Variants in NEXMIF observed in about 807,000 individuals in gnomAD.
The protein encoded by NEXMIF is XLMR protein related to neurite extension.
NEXMIF carries 8 observed loss-of-function variants against 62.1 expected under a neutral mutation model. That is an observed-to-expected ratio of 0.13 (90% confidence interval 0.08 to 0.23). The LOEUF is 0.23. Ranked by LOEUF, NEXMIF falls within the 10% of genes least tolerant of loss-of-function variation. NEXMIF has a pLI of 1.00. For missense variants in NEXMIF, 976 were observed against 1,113.3 expected (o/e 0.88, Z 1.75); for synonymous variants, 404 against 416.6 (o/e 0.97, Z 0.37).
chrX:74,785,607 A>G (rs1404339938), intron 1 of NEXMIF, among the ~76,000 whole-genome samples: 1 of 112,311 alleles, frequency 8.9e-6, no homozygotes, highest in East Asian at 2.8e-4. Context: ...GGAAAATTAC[A>G]CTTTAAAGAA....
intron 1 of NEXMIF, chrX:74,769,947 A>T (rs775348552): frequency 8.7e-6 from 2 of 230,199 alleles, no homozygotes; most frequent in Non-Finnish European, 1.5e-5. Flanking sequence ...GGGGTTTCTC[A>T]TTGGCTATGA....
intron 1 of NEXMIF, among the ~76,000 whole-genome samples, chrX:74,817,521 G>A (rs1308265389): frequency 1.8e-5 from 2 of 112,109 alleles, no homozygotes; most frequent in East Asian, 5.6e-4. Flanking sequence ...AGTTGCATTC[G>A]ATGTTAAAGT....
chrX:74,869,862 A>G (rs1261406256), intron 1 of NEXMIF, among the ~76,000 whole-genome samples: 3 of 111,605 alleles, frequency 2.7e-5, no homozygotes, highest in Non-Finnish European at 5.7e-5. Context: ...ATGGATTGCA[A>G]GAATCAATAA....
chrX:74,785,553 G>A (rs1242325647), intron 1 of NEXMIF, among the ~76,000 whole-genome samples: 2 of 111,499 alleles, frequency 1.8e-5, no homozygotes, highest in Admixed American at 1.9e-4. Context: ...TCTATCTTAG[G>A]GTGTCAAGGG....
intron 1 of NEXMIF, among the ~76,000 whole-genome samples, chrX:74,807,853 C>T (rs1447040574): frequency 2.7e-5 from 3 of 111,694 alleles, no homozygotes; most frequent in African/African-American, 9.8e-5. Flanking sequence ...CGTTCTCAGT[C>T]TTAGAGGGAA....
Position 74,739,287 on chromosome X carries a change from A to G in NEXMIF, c.*118T>C. 2.1e-6 allele frequency: 1 copy of G among 468,109 alleles called. No individual in the cohort carries two copies. Among genetic ancestry groups the G allele is most frequent in the East Asian group, 3.9e-5 (1 of 25,469 alleles). The allele number at this position is 468,109 out of a possible 1,213,427, so 38.6% of individuals were successfully genotyped here. A position where few individuals can be genotyped will look rare whatever the true frequency, so the allele number is the denominator to read the frequency against. ...ACTTTTTAAGTCTTTTACATAGAAC[A>G]TGAGATTAAAGTTTGCTCCAAAGAC... On this transcript the variant is annotated 3_prime_UTR_variant, in exon 4 of 4. Transcript: ENST00000055682.
chrX:74,806,567 CTGCT>C (rs1413217425), intron 1 of NEXMIF, among the ~76,000 whole-genome samples: 2 of 111,472 alleles, frequency 1.8e-5, no homozygotes, highest in African/African-American at 3.3e-5. Flanking sequence ...TCTGTGCTGC[CTGCT>C]TATTTTGTTT....
intron 1 of NEXMIF, among the ~76,000 whole-genome samples, chrX:74,875,269 T>G (rs1348596154): frequency 9.0e-6 from 1 of 111,575 alleles, no homozygotes; most frequent in Non-Finnish European, 1.9e-5. Context: ...TTTTTGTCTT[T>G]GGTTCTGTTT....
chrX:74,756,439 G>A (rs2080159636), intron 1 of NEXMIF, among the ~76,000 whole-genome samples: 1 of 111,093 alleles, frequency 9.0e-6, no homozygotes, highest in South Asian at 3.9e-4. Context: ...CCAAACACAC[G>A]TGTTAATAAG....
At chrX:74,791,144 A>T (rs1190275167) in intron 1 of NEXMIF, among the ~76,000 whole-genome samples, 1 of 111,086 alleles carries the variant, frequency 9.0e-6, no homozygotes, top group Non-Finnish European at 1.9e-5. Context: ...ATTTTGAAAT[A>T]CGTCCCATCA....
intron 1 of NEXMIF, among the ~76,000 whole-genome samples, chrX:74,913,445 G>A (rs1442215084): frequency 9.0e-6 from 1 of 111,157 alleles, no homozygotes; most frequent in African/African-American, 3.3e-5. Context: ...TCTCTCATCA[G>A]AAGAAACCAT....
intron 1 of NEXMIF, among the ~76,000 whole-genome samples, chrX:74,847,810 G>A (rs751697432): frequency 3.9e-4 from 43 of 110,808 alleles, no homozygotes; most frequent in Non-Finnish European, 7.6e-4. Flanking sequence ...ATTAATGATA[G>A]TAATAATAAT....
At chrX:74,791,514 C>T (rs955876822) in intron 1 of NEXMIF, among the ~76,000 whole-genome samples, 1 of 111,403 alleles carries the variant, frequency 9.0e-6, no homozygotes, top group Non-Finnish European at 1.9e-5. Flanking sequence ...GGAGGATTCC[C>T]TCTTTTTCTA....
At chrX:74,840,038 A>G (rs1042563014) in intron 1 of NEXMIF, among the ~76,000 whole-genome samples, 57 of 111,928 alleles carry the variant, frequency 5.1e-4, no homozygotes, top group South Asian at 7.4e-4. Flanking sequence ...CCAATAGTGT[A>G]TAAGTGTTTC....
intron 1 of NEXMIF, among the ~76,000 whole-genome samples, chrX:74,843,730 A>T (rs2080481894): frequency 9.0e-6 from 1 of 111,676 alleles, no homozygotes; most frequent in African/African-American, 3.3e-5. Context: ...TGCTTTTTTA[A>T]TCCAGCTTGC....
chrX:74,796,174 TA>T (rs2080307673), intron 1 of NEXMIF, among the ~76,000 whole-genome samples: 1 of 72,934 alleles, frequency 1.4e-5, no homozygotes, highest in Non-Finnish European at 2.4e-5. Context: ...ATATATATTA[TA>T]TATATACATA....
intron 1 of NEXMIF, among the ~76,000 whole-genome samples, chrX:74,762,968 T>G (rs929438035): frequency 7.1e-5 from 8 of 112,165 alleles, no homozygotes; most frequent in African/African-American, 2.3e-4. Context: ...CTCTTTAGTT[T>G]AATTAGATAC....
chrX:74,881,711 T>A (rs962237339), intron 1 of NEXMIF, among the ~76,000 whole-genome samples: 2 of 79,000 alleles, frequency 2.5e-5, no homozygotes, highest in African/African-American at 1.3e-4. Context: ...TTCTCCACCA[T>A]GAGAACCATG....
chrX:74,736,697 ATCT>A lies in NEXMIF; in HGVS notation c.*2705_*2707del, dbSNP rs1377489667. Reference sequence around the variant, plus strand: ...ATTAAATGCAATTAAGAGAATAAACATCTTCTGCCTCGGCCTATTGCTCATTTC... The same window carrying A: ...ATTAAATGCAATTAAGAGAATAAACATCTGCCTCGGCCTATTGCTCATTTC... On this transcript the variant is annotated 3_prime_UTR_variant, in exon 4 of 4. Coordinates refer to ENST00000055682, the MANE Select transcript of NEXMIF (RefSeq NM_001008537.3). 1 of 111,816 alleles carries A rather than the reference ATCT, an allele frequency of 8.9e-6. No homozygotes were observed. The highest frequency in any genetic ancestry group is 1.9e-5 in the Non-Finnish European group (1 of 53,086). The allele number at this position is 111,816 out of a possible 1,213,427, so 9.2% of individuals were successfully genotyped here. A position where few individuals can be genotyped will look rare whatever the true frequency, so the allele number is the denominator to read the frequency against.
Sources: allele counts gnomAD v4.1 joint callset (sites outside exome capture counted in the v4.1 genomes callset), GRCh38; gene constraint gnomAD v4.1.1; transcripts MANE v1.5; gene names NCBI Gene and HGNC (gene_info 2026-07-23, HGNC 2026-07-21).